The following XKR4 variants were observed in gnomAD, a reference collection of about 807,000 sequenced individuals.
The protein encoded by XKR4 is XK related 4, also known as XK-related protein 4.
Under a neutral mutation model 53.9 loss-of-function variants are expected in XKR4, and 12 were observed. That is an observed-to-expected ratio of 0.22 (90% CI 0.14 to 0.36). The LOEUF (loss-of-function observed/expected upper bound fraction) is 0.36, where lower values mean the gene tolerates loss of function less well. Ranked by LOEUF, XKR4 falls within the 10% of genes least tolerant of loss-of-function variation. The pLI, the probability that XKR4 is intolerant of heterozygous loss-of-function variation, is 1.00. For missense variants in XKR4, 799 were observed against 859.5 expected (o/e 0.93, Z 0.88); for synonymous variants, 354 against 362.4 (o/e 0.98, Z 0.26).
chr8:55,185,847 C>T (rs532767388), intron 1 of XKR4, among the ~76,000 whole-genome samples: 1 of 152,242 alleles, frequency 6.6e-6, no homozygotes, highest in South Asian at 2.1e-4. Context: ...AACTACCCTA[C>T]CACTTTTGAT....
At chr8:55,154,702 C>G (rs970210780) in intron 1 of XKR4, among the ~76,000 whole-genome samples, 1 of 152,160 alleles carries the variant, frequency 6.6e-6, no homozygotes, top group African/African-American at 2.4e-5. Flanking sequence ...CTATTTATCA[C>G]AACCCTGCAC....
At chr8:55,371,539 G>A (rs2129386182) in intron 2 of XKR4, among the ~76,000 whole-genome samples, 1 of 152,246 alleles carries the variant, frequency 6.6e-6, no homozygotes. Context: ...CAATAAAATA[G>A]TAAACCACTA....
intron 1 of XKR4, among the ~76,000 whole-genome samples, chr8:55,139,241 A>G (rs187123095): frequency 6.6e-6 from 1 of 152,282 alleles, no homozygotes; most frequent in African/African-American, 2.4e-5. Context: ...GAAATGTAAG[A>G]AGTGCTGGCT....
At chr8:55,459,548 A>G (rs1192067050) in intron 2 of XKR4, among the ~76,000 whole-genome samples, 1 of 152,186 alleles carries the variant, frequency 6.6e-6, no homozygotes, top group Non-Finnish European at 1.5e-5. Flanking sequence ...ACTTGTGTCC[A>G]GAATATATCA....
rs1806902242 is a variant in XKR4 at position 55,528,076 on chromosome 8, GTA to G, written c.*3854_*3855del. 1 of 152,138 alleles carries G rather than the reference GTA, an allele frequency of 6.6e-6. No homozygotes were observed. The highest frequency in any genetic ancestry group is 1.5e-5 in the Non-Finnish European group (1 of 68,032). 9.4% of individuals were successfully genotyped at this position (152,138 alleles called of 1,614,324 possible). ...GATAAAGTATATACTGCTTTTGAAT[GTA>G]TATAAAGTGGTATGTTATGCATATA... is the stretch of plus-strand genomic sequence containing the variant. On this transcript the variant is annotated 3_prime_UTR_variant, in exon 3 of 3. Coordinates refer to ENST00000327381, the MANE Select transcript of XKR4 (RefSeq NM_052898.2).
chr8:55,145,291 T>C (rs138946090), intron 1 of XKR4, among the ~76,000 whole-genome samples: 17 of 152,308 alleles, frequency 1.1e-4, no homozygotes, highest in African/African-American at 4.1e-4. Context: ...CATGTCCTTC[T>C]CTTCTTGAAT....
intron 2 of XKR4, among the ~76,000 whole-genome samples, chr8:55,410,090 A>T (rs571049274): frequency 8.9e-6 from 1 of 112,746 alleles, no homozygotes; most frequent in South Asian, 2.4e-4. Context: ...ATTTGCCTTT[A>T]AAAAAAAAAA....
chr8:55,135,618 A>T (rs1311970753), intron 1 of XKR4: 5 of 456,098 alleles, frequency 1.1e-5, no homozygotes, highest in African/African-American at 2.0e-5. Flanking sequence ...TACTGAGGAA[A>T]AGCCAAGGAC....
At chr8:55,201,969 A>G (rs1229459800) in intron 1 of XKR4, among the ~76,000 whole-genome samples, 1 of 152,158 alleles carries the variant, frequency 6.6e-6, no homozygotes, top group East Asian at 1.9e-4. Context: ...GGTTGCTAAA[A>G]CTGAGATATG....
intron 1 of XKR4, among the ~76,000 whole-genome samples, chr8:55,303,909 T>C (rs951476355): frequency 8.5e-5 from 13 of 152,228 alleles, no homozygotes; most frequent in Non-Finnish European, 1.8e-4. Flanking sequence ...TTAGTCTTGC[T>C]AGTGGTCTAT....
rs139668939 is a variant in XKR4 at position 55,531,262 on chromosome 8, G to T, written c.*7035G>T. 0.026 allele frequency: 3,995 copies of T among 152,212 alleles called. 91 individuals are homozygous for T. The highest frequency in any genetic ancestry group is 0.041 in the Middle Eastern group (12 of 294). 9.4% of individuals were successfully genotyped at this position (152,212 alleles called of 1,614,324 possible). On this transcript the variant is annotated 3_prime_UTR_variant, in exon 3 of 3. Coordinates refer to ENST00000327381, the MANE Select transcript of XKR4 (RefSeq NM_052898.2). ...ATATGGTAGAGCCTATTGTCCCTAG[G>T]CTACAAACCTGTACAGCATGCTACT...
chr8:55,503,982 C>T (rs1806484909), intron 2 of XKR4, among the ~76,000 whole-genome samples: 2 of 151,978 alleles, frequency 1.3e-5, no homozygotes, highest in South Asian at 4.2e-4. Flanking sequence ...TTTCCCCCTC[C>T]ATTCTGTTAA....
At chr8:55,186,279 C>T (rs537041891) in intron 1 of XKR4, among the ~76,000 whole-genome samples, 1 of 152,056 alleles carries the variant, frequency 6.6e-6, no homozygotes, top group Admixed American at 6.5e-5. Flanking sequence ...ATACATAGGC[C>T]CCATTTATTT....
intron 1 of XKR4, among the ~76,000 whole-genome samples, chr8:55,195,531 CAAG>C (rs1364090173): frequency 6.6e-6 from 1 of 151,404 alleles, no homozygotes; most frequent in Non-Finnish European, 1.5e-5. Context: ...AATAAAAACT[CAAG>C]GAGAAAATGG....
intron 2 of XKR4, among the ~76,000 whole-genome samples, chr8:55,437,371 C>G (rs1805191947): frequency 6.6e-6 from 1 of 152,046 alleles, no homozygotes; most frequent in African/African-American, 2.4e-5. Context: ...TACCCCAAAT[C>G]AGATTTAGAA....
At chr8:55,182,785 C>T (rs1275166441) in intron 1 of XKR4, among the ~76,000 whole-genome samples, 1 of 149,378 alleles carries the variant, frequency 6.7e-6, no homozygotes, top group Non-Finnish European at 1.5e-5. Flanking sequence ...AGACCTTTTG[C>T]CTTTCATATA....
chr8:55,169,573 C>T (rs1304080315), intron 1 of XKR4, among the ~76,000 whole-genome samples: 1 of 152,190 alleles, frequency 6.6e-6, no homozygotes, highest in East Asian at 1.9e-4. Flanking sequence ...ACCAGGTTGG[C>T]CCTTCCACAA....
At chr8:55,320,872 T>G (rs1342005570) in intron 1 of XKR4, among the ~76,000 whole-genome samples, 6 of 152,118 alleles carry the variant, frequency 3.9e-5, no homozygotes. Context: ...TATGTATTGG[T>G]GTGTCTCCCT....
intron 1 of XKR4, among the ~76,000 whole-genome samples, chr8:55,224,714 T>C (rs773335522): frequency 5.9e-5 from 9 of 152,230 alleles, no homozygotes; most frequent in Non-Finnish European, 1.2e-4. Context: ...AGATGTGTTA[T>C]GTAGAACTTC....
Sources: allele counts gnomAD v4.1 joint callset (sites outside exome capture counted in the v4.1 genomes callset), GRCh38; gene constraint gnomAD v4.1.1; transcripts MANE v1.5; gene names NCBI Gene and HGNC (gene_info 2026-07-23, HGNC 2026-07-21).